Variants in UNC5D observed in about 807,000 individuals in gnomAD.
UNC5D encodes netrin receptor UNC5D.
UNC5D carries 39 observed loss-of-function variants against 105.4 expected under a neutral mutation model. The ratio of observed to expected loss-of-function variants is 0.37; its 90% CI spans 0.29 to 0.48. UNC5D has a LOEUF of 0.48. Among genes scored for constraint, UNC5D ranks in the 20% least tolerant of loss-of-function variants. UNC5D has a pLI of 0.98. For synonymous variants in UNC5D, 452 were observed against 450.4 expected (o/e 1.00, Z -0.04); for missense variants, 991 against 1,202.4 (o/e 0.82, Z 2.60).
chr8:35,406,006 A>C (rs570940357), intron 1 of UNC5D, among the ~76,000 whole-genome samples: 3 of 152,164 alleles, frequency 2.0e-5, no homozygotes, highest in Non-Finnish European at 4.4e-5. Flanking sequence ...GAGTATGCTA[A>C]ATTTGTTAAT....
In UNC5D at chr8:35,253,612, G is replaced by A. The variant is rs983581555; in HGVS notation, c.103+17725G>A. ...AGCGATTCTCCTGCCTCCGCCTCCC[G>A]AGTAGCTGGGACTACAGGCATGTGC... is the stretch of plus-strand genomic sequence containing the variant. On this transcript the variant is annotated intron_variant, in intron 1 of 16. Transcript: ENST00000404895. Among the ~76,000 whole-genome samples the A allele has an allele frequency of 2.5e-4, 38 of 150,358 alleles. 1 individual carries two copies. Among genetic ancestry groups the A allele is most frequent in the East Asian group, 1.2e-3 (6 of 5,000 alleles).
intron 1 of UNC5D, among the ~76,000 whole-genome samples, chr8:35,407,527 A>ATGTT (rs1804885382): frequency 6.6e-6 from 1 of 151,986 alleles, no homozygotes; most frequent in East Asian, 1.9e-4. Context: ...GTATGTATGT[A>ATGTT]TGTATGTATG....
chr8:35,523,578 CTTTTTTTTTT>C lies in UNC5D; in HGVS notation c.104-25703_104-25694del, dbSNP rs33917742. Reference sequence around the variant, plus strand: ...TATCCTCTGAAATTAGTAATGTGCTCTTTTTTTTTTTTTTTTTTTTGATGGTTAAAAAAAT... The same window carrying C: ...TATCCTCTGAAATTAGTAATGTGCTCTTTTTTTTTTGATGGTTAAAAAAAT... On this transcript the variant is annotated intron_variant, in intron 1 of 16. Transcript: ENST00000404895. Among the ~76,000 whole-genome samples the C allele has an allele frequency of 4.1e-3, 403 of 97,528 alleles. 4 individuals carry two copies. Among genetic ancestry groups the C allele is most frequent in the African/African-American group, 0.013 (366 of 27,686 alleles). The allele number at this position is 97,528 out of a possible 152,430, so 64.0% of individuals were successfully genotyped here. A position where few individuals can be genotyped will look rare whatever the true frequency, so the allele number is the denominator to read the frequency against.
chr8:35,739,909 AC>A (rs1829670932), intron 11 of UNC5D, among the ~76,000 whole-genome samples: 1 of 152,218 alleles, frequency 6.6e-6, no homozygotes, highest in Non-Finnish European at 1.5e-5. Flanking sequence ...TGGACAATCA[AC>A]CTTCTATTCC....
chr8:35,405,344 T>G (rs1804737524), intron 1 of UNC5D, among the ~76,000 whole-genome samples: 1 of 152,174 alleles, frequency 6.6e-6, no homozygotes, highest in Non-Finnish European at 1.5e-5. Flanking sequence ...GTATCCTAAT[T>G]AACATGTTGC....
At chr8:35,492,400 A>C (rs1811270555) in intron 1 of UNC5D, among the ~76,000 whole-genome samples, 1 of 152,138 alleles carries the variant, frequency 6.6e-6, no homozygotes, top group South Asian at 2.1e-4. Context: ...AAAGAGGGAA[A>C]TATAAAGTTG....
intron 1 of UNC5D, among the ~76,000 whole-genome samples, chr8:35,466,003 G>T (rs2129738645): frequency 6.6e-6 from 1 of 152,256 alleles, no homozygotes; most frequent in East Asian, 1.9e-4. Context: ...ATCCAAAAAG[G>T]AACACAGGCT....
chr8:35,589,531 C>T (rs188042012), intron 3 of UNC5D, among the ~76,000 whole-genome samples: 102 of 151,508 alleles, frequency 6.7e-4, no homozygotes, highest in East Asian at 6.2e-3. Flanking sequence ...TTAAAGTGTA[C>T]AATTTGGTAG....
chr8:35,353,287 A>C (rs1812370982), intron 1 of UNC5D, among the ~76,000 whole-genome samples: 2 of 152,198 alleles, frequency 1.3e-5, no homozygotes, highest in Admixed American at 1.3e-4. Flanking sequence ...ATGGCTCCTA[A>C]ACATAAATGA....
intron 1 of UNC5D, among the ~76,000 whole-genome samples, chr8:35,363,605 A>G (rs1801962168): frequency 6.6e-6 from 1 of 152,056 alleles, no homozygotes; most frequent in African/African-American, 2.4e-5. Context: ...CCTTCTCTGC[A>G]TTGTATTAGG....
chr8:35,502,553 TTTTG>T lies in UNC5D; in HGVS notation c.104-46727_104-46724del, dbSNP rs1028555294. Among the ~76,000 whole-genome samples the T allele has an allele frequency of 1.2e-4, 18 of 152,226 alleles. No homozygotes were observed. In the South Asian group the frequency reaches 1.7e-3, roughly 14 times the overall value. The stretch of plus-strand genomic sequence containing the variant: ...GATTTTGCATGGATTCTCTTCGTTT[TTTTG>T]TTTGTTTGTTTTCTTTTTTGAGATG... On this transcript the variant is annotated intron_variant, in intron 1 of 16. Coordinates refer to ENST00000404895, the MANE Select transcript of UNC5D (RefSeq NM_080872.4).
intron 1 of UNC5D, among the ~76,000 whole-genome samples, chr8:35,327,635 G>C (rs540520510): frequency 6.6e-6 from 1 of 152,224 alleles, no homozygotes; most frequent in East Asian, 1.9e-4. Context: ...TGTTGTGGGG[G>C]GGGGATCTGG....
At chr8:35,237,104 CT>C (rs1267947059) in intron 1 of UNC5D, among the ~76,000 whole-genome samples, 1 of 141,954 alleles carries the variant, frequency 7.0e-6, no homozygotes, top group African/African-American at 2.6e-5. Flanking sequence ...GAAAGATTTT[CT>C]TTTTAAGAGG....
intron 4 of UNC5D, among the ~76,000 whole-genome samples, chr8:35,637,889 C>T (rs915261036): frequency 1.3e-5 from 2 of 152,130 alleles, no homozygotes; most frequent in Non-Finnish European, 2.9e-5. Flanking sequence ...TGACCTTGCT[C>T]TTCAGTCCCC....
At chr8:35,758,092 A>C (rs568212019) in intron 13 of UNC5D, among the ~76,000 whole-genome samples, 1 of 152,226 alleles carries the variant, frequency 6.6e-6, no homozygotes, top group African/African-American at 2.4e-5. Context: ...CCCAAGAAAC[A>C]CCCTTCCCAC....
intron 1 of UNC5D, among the ~76,000 whole-genome samples, chr8:35,360,155 T>C (rs1210875868): frequency 6.6e-6 from 1 of 152,162 alleles, no homozygotes; most frequent in Admixed American, 6.5e-5. Context: ...AACAGTTCCT[T>C]TCCCTGTCCT....
chr8:35,618,234 T>C (rs993456574), intron 4 of UNC5D, among the ~76,000 whole-genome samples: 15 of 152,218 alleles, frequency 9.9e-5, no homozygotes, highest in Non-Finnish European at 2.2e-4. Context: ...ATCTTTTTTT[T>C]CAACGCTGTT....
At chr8:35,446,741 C>T (rs771938954) in intron 1 of UNC5D, among the ~76,000 whole-genome samples, 1 of 152,018 alleles carries the variant, frequency 6.6e-6, no homozygotes, top group Non-Finnish European at 1.5e-5. Context: ...AGATCTTTCA[C>T]CTCATAGAGA....
chr8:35,604,582 T>C (rs1428985431), intron 4 of UNC5D, among the ~76,000 whole-genome samples: 1 of 152,196 alleles, frequency 6.6e-6, no homozygotes, highest in Non-Finnish European at 1.5e-5. Flanking sequence ...TGAATTTGAA[T>C]GTTGGCCTGC....
Sources: gnomAD v4.1 joint callset for allele counts (sites outside exome capture counted in the v4.1 genomes callset) on GRCh38, gnomAD v4.1.1 for gene constraint, MANE v1.5 for transcripts, NCBI Gene and HGNC (gene_info 2026-07-23, HGNC 2026-07-21) for gene names.